SH3PXD2A: variants seen among roughly 807,000 people sequenced by gnomAD.
SH3PXD2A encodes the protein SH3 and PX domain-containing protein 2A.
A neutral mutation model predicts 115.2 loss-of-function variants in SH3PXD2A; 32 were observed. That is an observed-to-expected ratio of 0.28 (90% CI 0.21 to 0.37). SH3PXD2A has a LOEUF of 0.37. Among genes scored for constraint, SH3PXD2A ranks in the 10% least tolerant of loss-of-function variants. The probability of loss-of-function intolerance (pLI) is 1.00; values close to 1 mark genes in which losing one functional copy is unlikely to be tolerated. For synonymous variants in SH3PXD2A, 610 were observed against 629.1 expected (o/e 0.97, Z 0.45); for missense variants, 1,328 against 1,498.7 (o/e 0.89, Z 1.88).
At chr10:103,750,458 T>C (rs2038562856) in intron 3 of SH3PXD2A, among the ~76,000 whole-genome samples, 1 of 152,214 alleles carries the variant, frequency 6.6e-6, no homozygotes, top group South Asian at 2.1e-4. Flanking sequence ...CTGTGTTACC[T>C]GAATCAGAGA....
intron 3 of SH3PXD2A, among the ~76,000 whole-genome samples, chr10:103,741,394 G>A (rs940414920): frequency 1.3e-5 from 2 of 152,112 alleles, no homozygotes; most frequent in South Asian, 2.1e-4. Context: ...TGCTTGTCTC[G>A]CCCTTCCTTG....
At chr10:103,762,260 T>G (rs2038708718) in intron 3 of SH3PXD2A, among the ~76,000 whole-genome samples, 1 of 152,076 alleles carries the variant, frequency 6.6e-6, no homozygotes, top group African/African-American at 2.4e-5. Context: ...ACTCCTGGCC[T>G]CAAGTGATCC....
chr10:103,811,470 G>A (rs7903885), intron 1 of SH3PXD2A, among the ~76,000 whole-genome samples: 1,533 of 152,258 alleles, frequency 0.01, 29 homozygotes, highest in African/African-American at 0.034. Flanking sequence ...TGTTGTTATC[G>A]TCTCCAGTTC....
rs534649022 is a variant in SH3PXD2A at position 103,853,467 on chromosome 10, A to G, written c.72+1728T>C. Among the ~76,000 whole-genome samples the G allele has an allele frequency of 1.7e-3, 254 of 152,338 alleles. 1 individual carries two copies. The highest frequency in any genetic ancestry group is 3.1e-3 in the Non-Finnish European group (213 of 68,030). On this transcript the variant is annotated intron_variant, in intron 1 of 14. Transcript: ENST00000369774. ...ATTATCCTTACTTGAAATTGAGTAAACTGAGGCTGGGGGAGGTTTAAATAA... is the reference window on the plus strand; with the variant it reads ...ATTATCCTTACTTGAAATTGAGTAAGCTGAGGCTGGGGGAGGTTTAAATAA...
At chr10:103,762,575 C>T (rs912700330) in intron 3 of SH3PXD2A, among the ~76,000 whole-genome samples, 4 of 152,198 alleles carry the variant, frequency 2.6e-5, no homozygotes, top group African/African-American at 9.6e-5. Flanking sequence ...CCTTCCTGAC[C>T]ATGAAACGTC....
intron 1 of SH3PXD2A, among the ~76,000 whole-genome samples, chr10:103,826,802 G>A (rs1190243352): frequency 6.6e-6 from 1 of 152,222 alleles, no homozygotes; most frequent in East Asian, 1.9e-4. Context: ...CACACAGTAG[G>A]CACTTAATAA....
Position 103,617,296 on chromosome 10 carries a change from A to T in SH3PXD2A, c.821T>A (p.Val274Glu), listed in dbSNP as rs1271631505. The T allele has an allele frequency of 6.2e-7, 1 of 1,613,740 alleles. No individual in the cohort carries two copies. ...CTTGCTTTGGCTGGTGTAAGGCTGC[A>T]CGGTGACATACTTCTCCTCTGGGGG... is the stretch of plus-strand genomic sequence containing the variant. ...QHSREEKYVT[V>E]QPYTSQSKDE... Residue 274 changes from valine to glutamate, a missense_variant, in exon 11 of 15, where the codon GTG becomes GAG. This residue lies in a region of SH3PXD2A where 509 missense variants were observed against 628.3 expected (regional missense o/e 0.81). Coordinates refer to ENST00000369774, the MANE Select transcript of SH3PXD2A (RefSeq NM_001394015.1).
intron 1 of SH3PXD2A, among the ~76,000 whole-genome samples, chr10:103,841,561 C>T (rs1288722275): frequency 6.6e-6 from 1 of 152,168 alleles, no homozygotes; most frequent in Admixed American, 6.5e-5. Flanking sequence ...CATCATGAGG[C>T]CTCACTGCTG....
At chr10:103,778,701 C>T (rs557375042) in intron 2 of SH3PXD2A, among the ~76,000 whole-genome samples, 2 of 152,352 alleles carry the variant, frequency 1.3e-5, no homozygotes, top group South Asian at 4.1e-4. Context: ...GGTGGTGTTT[C>T]CCTGATCTCT....
At chr10:103,672,982 C>T (rs925432019) in intron 6 of SH3PXD2A, among the ~76,000 whole-genome samples, 3 of 152,128 alleles carry the variant, frequency 2.0e-5, no homozygotes, top group African/African-American at 7.2e-5. Context: ...AATACAGGGA[C>T]CCAAAGGTAC....
At chr10:103,680,610 C>G (rs890237940) in intron 6 of SH3PXD2A, among the ~76,000 whole-genome samples, 5 of 152,214 alleles carry the variant, frequency 3.3e-5, no homozygotes, top group Non-Finnish European at 7.3e-5. Context: ...AGCAAAGGGA[C>G]TTTCTAACAT....
chr10:103,812,729 T>A (rs2039282850), intron 1 of SH3PXD2A, among the ~76,000 whole-genome samples: 1 of 152,148 alleles, frequency 6.6e-6, no homozygotes, highest in Non-Finnish European at 1.5e-5. Context: ...CTGGGCTTCC[T>A]CCCCACCATC....
intron 1 of SH3PXD2A, among the ~76,000 whole-genome samples, chr10:103,808,676 C>T (rs2039233067): frequency 6.6e-6 from 1 of 152,154 alleles, no homozygotes. Flanking sequence ...GTATGCTTTC[C>T]ATGATTAGTC....
intron 10 of SH3PXD2A, 72 bp downstream of exon 10, chr10:103,622,398 G>C: frequency 2.9e-6 from 3 of 1,018,256 alleles, no homozygotes; most frequent in Non-Finnish European, 4.5e-6. Context: ...AGCAGAGCCC[G>C]GAAAGAAAGA....
chr10:103,618,287 T>G (rs777808274), intron 10 of SH3PXD2A, among the ~76,000 whole-genome samples: 3 of 152,212 alleles, frequency 2.0e-5, no homozygotes, highest in African/African-American at 4.8e-5. Flanking sequence ...GCCACCCGCT[T>G]GGGTCCTTGA....
intron 6 of SH3PXD2A, among the ~76,000 whole-genome samples, chr10:103,692,796 C>T (rs1317696077): frequency 6.6e-6 from 1 of 152,136 alleles, no homozygotes; most frequent in Non-Finnish European, 1.5e-5. Context: ...GTAGCGGGAG[C>T]CCGAGCGAGT....
chr10:103,619,910 C>G (rs150855301), intron 10 of SH3PXD2A, among the ~76,000 whole-genome samples: 3 of 152,334 alleles, frequency 2.0e-5, no homozygotes, highest in African/African-American at 7.2e-5. Context: ...CCTGGCAGGG[C>G]TAGGCAGGCA....
chr10:103,679,427 T>C (rs373051291), intron 6 of SH3PXD2A, among the ~76,000 whole-genome samples: 188 of 152,278 alleles, frequency 1.2e-3, no homozygotes, highest in African/African-American at 3.6e-3. Context: ...TTCAGAAACT[T>C]GCTTCCTATC....
intron 8 of SH3PXD2A, among the ~76,000 whole-genome samples, chr10:103,632,246 G>C (rs1425433103): frequency 6.6e-6 from 1 of 152,124 alleles, no homozygotes; most frequent in Non-Finnish European, 1.5e-5. Context: ...CAGATCCTGT[G>C]GGAAAGAAAA....
Sources: gnomAD v4.1 joint callset for allele counts (sites outside exome capture counted in the v4.1 genomes callset) on GRCh38, gnomAD v4.1.1 for gene constraint, gnomAD v4.1.1 regional missense constraint, MANE v1.5 for transcripts, NCBI Gene and HGNC (gene_info 2026-07-23, HGNC 2026-07-21) for gene names.